Variants in PCCA observed in about 807,000 individuals in gnomAD.
The protein encoded by PCCA is propionyl-CoA carboxylase subunit alpha, also known as propionyl-CoA carboxylase alpha chain, mitochondrial.
PCCA carries 74 observed loss-of-function variants against 101.3 expected under a neutral mutation model. That is an observed-to-expected ratio of 0.73 (90% confidence interval 0.61 to 0.89). PCCA has a LOEUF of 0.89. Among genes scored for constraint, PCCA ranks in the 40% least tolerant of loss-of-function variants. The pLI is 0.00. For missense variants in PCCA, 891 were observed against 907.0 expected (o/e 0.98, Z 0.23); for synonymous variants, 294 against 313.6 (o/e 0.94, Z 0.66).
chr13:100,105,507 C>A (rs1478486037), intron 2 of PCCA, among the ~76,000 whole-genome samples: 3 of 151,902 alleles, frequency 2.0e-5, no homozygotes, highest in African/African-American at 7.3e-5. Flanking sequence ...ACACTGGTAG[C>A]CTTCCTCATT....
intron 21 of PCCA, among the ~76,000 whole-genome samples, chr13:100,463,812 A>T (rs1177752954): frequency 6.6e-6 from 1 of 152,228 alleles, no homozygotes; most frequent in African/African-American, 2.4e-5. Flanking sequence ...GGAGTCACTT[A>T]CAAAATGATG....
intron 10 of PCCA, among the ~76,000 whole-genome samples, chr13:100,265,685 A>T (rs142904001): frequency 2.0e-5 from 3 of 152,194 alleles, no homozygotes; most frequent in East Asian, 3.9e-4. Context: ...TTGACATCTT[A>T]ACAATGTTGA....
chr13:100,161,484 A>G (rs2054466766), intron 6 of PCCA: 2 of 152,212 alleles, frequency 1.3e-5, no homozygotes, highest in African/African-American at 4.8e-5. Context: ...CCTCAGTTAC[A>G]AGGCTGCAGT....
chr13:100,370,756 T>C (rs2075527473), intron 19 of PCCA, among the ~76,000 whole-genome samples: 1 of 152,176 alleles, frequency 6.6e-6, no homozygotes, highest in Non-Finnish European at 1.5e-5. Flanking sequence ...AAGTAAAGGC[T>C]CATTGGTAGA....
At chr13:100,441,785 C>T (rs1346077167) in intron 20 of PCCA, among the ~76,000 whole-genome samples, 4 of 151,962 alleles carry the variant, frequency 2.6e-5, no homozygotes, top group Non-Finnish European at 2.9e-5. Context: ...ATCAAGTGGT[C>T]AGTTCATATT....
intron 2 of PCCA, among the ~76,000 whole-genome samples, chr13:100,108,508 T>C (rs2048018425): frequency 6.6e-6 from 1 of 152,208 alleles, no homozygotes; most frequent in South Asian, 2.1e-4. Flanking sequence ...AAGCATACCA[T>C]GCGCTTCAGT....
rs1297233850 is a variant in PCCA, at chr13:100,449,296, T to G, written c.1890T>G (p.Leu630=). 8 of 1,523,642 alleles carry G rather than the reference T, an allele frequency of 5.3e-6. No homozygotes were observed. Among genetic ancestry groups the G allele is most frequent in the Non-Finnish European group, 7.1e-6 (8 of 1,121,924 alleles). The allele number at this position is 1,523,642 out of a possible 1,614,324, so 94.4% of individuals were successfully genotyped here. ...GTGGAAACATGAGCATTCAGTTTCT[T>G]GGTACAGTGGTAAGTATGAAATCAT... ...EAGGNMSIQF[L]GTVYKVNILT... The change falls in exon 21 of 24, where the codon CTT becomes CTG. Residue 630 remains leucine (L), a synonymous_variant. Transcript: ENST00000376285.
chr13:100,285,584 A>G (rs1041506804), intron 12 of PCCA, among the ~76,000 whole-genome samples: 2 of 152,184 alleles, frequency 1.3e-5, no homozygotes, highest in Non-Finnish European at 1.5e-5. Context: ...TGTAAATGGC[A>G]TACTAGGTGC....
intron 4 of PCCA, among the ~76,000 whole-genome samples, chr13:100,125,635 A>G (rs1206678910): frequency 1.3e-5 from 2 of 152,264 alleles, no homozygotes; most frequent in East Asian, 1.9e-4. Context: ...ATTTAAAACA[A>G]TAGACTTTTC....
At chr13:100,307,707 G>A (rs1473393322) in intron 15 of PCCA, among the ~76,000 whole-genome samples, 4 of 152,190 alleles carry the variant, frequency 2.6e-5, no homozygotes, top group Admixed American at 6.5e-5. Flanking sequence ...TTAAGTAGAT[G>A]TGATGTAAGA....
At chr13:100,405,794 TGGAGTCTTGCTCTGTTGCCA>T (rs2077638988) in intron 19 of PCCA, among the ~76,000 whole-genome samples, 1 of 122,802 alleles carries the variant, frequency 8.1e-6, no homozygotes, top group Non-Finnish European at 1.7e-5. Flanking sequence ...TTTTTTGAGA[TGGAGTCTTGCTCTGTTGCCA>T]GGCAGGAGTG....
chr13:100,467,600 G>C (rs1025754087), intron 21 of PCCA, among the ~76,000 whole-genome samples: 1 of 152,162 alleles, frequency 6.6e-6, no homozygotes, highest in African/African-American at 2.4e-5. Flanking sequence ...TTGATCTCCT[G>C]ACCTCATGAT....
intron 2 of PCCA, among the ~76,000 whole-genome samples, chr13:100,111,034 A>T (rs1186579205): frequency 4.6e-5 from 7 of 151,258 alleles, no homozygotes; most frequent in Admixed American, 6.6e-5. Context: ...TTATTTAGAG[A>T]TGGAGACTCG....
intron 4 of PCCA, among the ~76,000 whole-genome samples, chr13:100,145,418 C>T (rs2052414243): frequency 6.6e-6 from 1 of 152,158 alleles, no homozygotes; most frequent in South Asian, 2.1e-4. Context: ...CAACTGTGTC[C>T]TGGGGGACAA....
At chr13:100,221,334 C>T (rs2059797272) in intron 7 of PCCA, among the ~76,000 whole-genome samples, 1 of 152,190 alleles carries the variant, frequency 6.6e-6, no homozygotes, top group African/African-American at 2.4e-5. Context: ...GAGGGGGTCG[C>T]TCAGTGGGCC....
Position 100,268,731 on chromosome 13 carries a change from A to C in PCCA, c.862A>C (p.Arg288=), listed in dbSNP as rs121964957. The C allele has an allele frequency of 6.7e-5, 108 of 1,614,028 alleles. No homozygotes were observed. Among genetic ancestry groups the C allele is most frequent in the Admixed American group, 8.3e-5 (5 of 60,006 alleles). ...KHGNALWLNE[R]ECSIQRRNQK... ...TGGGAATGCTTTATGGCTTAATGAA[A>C]GAGAGTGCTCAATTCAGAGAAGAAA... Residue 288 remains arginine (R), a synonymous_variant, in exon 11 of 24, where the codon AGA becomes CGA. Transcript: ENST00000376285.
At chr13:100,247,513 G>A (rs1363372461) in intron 8 of PCCA, among the ~76,000 whole-genome samples, 1 of 121,044 alleles carries the variant, frequency 8.3e-6, no homozygotes, top group African/African-American at 3.6e-5. Flanking sequence ...ACCGTGCCCG[G>A]CCTTTTTTTT....
chr13:100,118,945 C>T (rs2049097258), intron 4 of PCCA, among the ~76,000 whole-genome samples: 1 of 152,118 alleles, frequency 6.6e-6, no homozygotes, highest in African/African-American at 2.4e-5. Flanking sequence ...TTGGTTTCAT[C>T]AGGTCTTCCC....
At chr13:100,524,158 C>A (rs970599505) in intron 22 of PCCA, among the ~76,000 whole-genome samples, 1 of 152,234 alleles carries the variant, frequency 6.6e-6, no homozygotes, top group Non-Finnish European at 1.5e-5. Context: ...GCCCCTGCTC[C>A]CAAGGGCCGA....
Sources: allele counts gnomAD v4.1 joint callset (sites outside exome capture counted in the v4.1 genomes callset), GRCh38; gene constraint gnomAD v4.1.1; transcripts MANE v1.5; gene names NCBI Gene and HGNC (gene_info 2026-07-23, HGNC 2026-07-21).